R3HDM2: variants seen among roughly 807,000 people sequenced by gnomAD.
R3HDM2 encodes R3H domain containing 2.
Under a neutral mutation model 124.5 loss-of-function variants are expected in R3HDM2, and 38 were observed. The observed-to-expected ratio is 0.31, with a 90% CI of 0.24 to 0.40. The LOEUF is 0.40. R3HDM2 is among the 10% of genes least tolerant of loss of function. The pLI is 1.00. For missense variants in R3HDM2, 869 were observed against 1,236.9 expected (o/e 0.70, Z 4.46); for synonymous variants, 391 against 448.0 (o/e 0.87, Z 1.61).
At chr12:57,368,640 A>G (rs1481945294) in intron 2 of R3HDM2, among the ~76,000 whole-genome samples, 1 of 152,074 alleles carries the variant, frequency 6.6e-6, no homozygotes, top group East Asian at 1.9e-4. Context: ...GCAATACTCC[A>G]TGTGTATTAC....
intron 2 of R3HDM2, among the ~76,000 whole-genome samples, chr12:57,338,853 C>T (rs1190096924): frequency 2.0e-5 from 3 of 151,346 alleles, no homozygotes; most frequent in African/African-American, 7.3e-5. Flanking sequence ...GGGTCTCATT[C>T]TGCCACCTGG....
At position 57,312,874 on chromosome 12, in the gene R3HDM2, A is replaced by G. The variant is rs1048598044; in HGVS notation, c.-35-2411T>C. On this transcript the variant is annotated intron_variant, in intron 2 of 23. Transcript: ENST00000402412. ...AACCTCGGAGGCAGAAGTTGCGGTG[A>G]GCCAAGGTCGCACCACTGCACTCCA... is the stretch of plus-strand genomic sequence containing the variant. 3.5e-4 allele frequency among the ~76,000 whole-genome samples: 51 copies of G among 146,336 alleles called. 2 individuals are homozygous for G. Among genetic ancestry groups the G allele is most frequent in the Admixed American group, 1.4e-4 (2 of 14,088 alleles).
intron 3 of R3HDM2, among the ~76,000 whole-genome samples, chr12:57,307,625 TC>T (rs2052956743): frequency 7.5e-6 from 1 of 132,454 alleles, no homozygotes; most frequent in Admixed American, 7.7e-5. Flanking sequence ...CCAGCCATGC[TC>T]TTTTTTTTTT....
intron 2 of R3HDM2, among the ~76,000 whole-genome samples, chr12:57,324,453 G>T (rs533046215): frequency 7.9e-5 from 12 of 152,326 alleles, no homozygotes; most frequent in Admixed American, 5.9e-4. Context: ...AAAGTGCTGG[G>T]ATTACAGGCG....
At position 57,254,397 on chromosome 12, in the gene R3HDM2, A is replaced by G; in HGVS notation, c.*376T>C. ...GTGTCTGTAGTGCCAGCTACTTGGG[A>G]GGCTGAGGCAGGAGAATCACCTGAA... On this transcript the variant is annotated 3_prime_UTR_variant, in exon 24 of 24. Transcript: ENST00000402412. 1 of 365,072 alleles carries G rather than the reference A, an allele frequency of 2.7e-6. No homozygotes were observed. The highest frequency in any genetic ancestry group is 5.2e-6 in the Non-Finnish European group (1 of 193,382). 22.6% of individuals were successfully genotyped at this position (365,072 alleles called of 1,614,324 possible).
chr12:57,405,374 C>A (rs1418427246), intron 1 of R3HDM2, among the ~76,000 whole-genome samples: 1 of 152,184 alleles, frequency 6.6e-6, no homozygotes, highest in East Asian at 1.9e-4. Context: ...TGCAGTGGCT[C>A]ATGCCTGTAA....
chr12:57,348,515 A>T (rs1455028739), intron 2 of R3HDM2, among the ~76,000 whole-genome samples: 2 of 151,866 alleles, frequency 1.3e-5, no homozygotes, highest in East Asian at 3.9e-4. Flanking sequence ...CCAACATGGC[A>T]AAACCCCGTC....
intron 12 of R3HDM2, among the ~76,000 whole-genome samples, chr12:57,287,676 C>A (rs1175440097): frequency 6.6e-6 from 1 of 152,136 alleles, no homozygotes; most frequent in African/African-American, 2.4e-5. Flanking sequence ...AAGAGAGAAA[C>A]CCTTTGGAAA....
At chr12:57,355,471 A>AC (rs2061173567) in intron 2 of R3HDM2, among the ~76,000 whole-genome samples, 1 of 150,856 alleles carries the variant, frequency 6.6e-6, no homozygotes, top group African/African-American at 2.4e-5. Context: ...AAAAAAAAAA[A>AC]AGAAAGAAAA....
intron 3 of R3HDM2, among the ~76,000 whole-genome samples, chr12:57,307,307 T>G (rs905217454): frequency 3.4e-4 from 22 of 65,580 alleles, no homozygotes; most frequent in African/African-American, 5.3e-4. Context: ...AAATGCTGGG[T>G]TTTTTTGTTG....
chr12:57,332,437 T>C (rs1157896633), intron 2 of R3HDM2, among the ~76,000 whole-genome samples: 6 of 98,700 alleles, frequency 6.1e-5, no homozygotes, highest in Non-Finnish European at 1.1e-4. Context: ...AAAAAAAAAG[T>C]AGGTGGCAAA....
At chr12:57,374,072 G>A (rs1257820827) in intron 2 of R3HDM2, among the ~76,000 whole-genome samples, 2 of 152,034 alleles carry the variant, frequency 1.3e-5, no homozygotes, top group African/African-American at 4.8e-5. Context: ...AGGTTGCAGT[G>A]AGATGAGATC....
At chr12:57,346,664 G>T (rs574616438) in intron 2 of R3HDM2, among the ~76,000 whole-genome samples, 2 of 152,112 alleles carry the variant, frequency 1.3e-5, no homozygotes, top group Admixed American at 1.3e-4. Context: ...AATGGTCAAA[G>T]GACATTTTAC....
intron 1 of R3HDM2, among the ~76,000 whole-genome samples, chr12:57,400,690 G>A (rs2067967843): frequency 6.6e-6 from 1 of 152,038 alleles, no homozygotes; most frequent in African/African-American, 2.4e-5. Flanking sequence ...ACTTCATGGA[G>A]CAACTAGCAA....
At chr12:57,427,580 C>T (rs889478135) in intron 1 of R3HDM2, among the ~76,000 whole-genome samples, 7 of 151,158 alleles carry the variant, frequency 4.6e-5, no homozygotes, top group Admixed American at 3.9e-4. Flanking sequence ...GAACTTCTAA[C>T]CTCTGGTGAT....
At position 57,401,072 on chromosome 12, in the gene R3HDM2, G is replaced by T. The variant is rs1422594160; in HGVS notation, c.-105-5254C>A. On this transcript the variant is annotated intron_variant, in intron 1 of 23. Coordinates refer to ENST00000402412, the MANE Select transcript of R3HDM2 (RefSeq NM_001394031.1). Reference sequence around the variant, plus strand: ...AACATCCATTTCATTTAAAAAGAATGAAAGAGAGAAAGGGAAGGAGAAAAA... The same window carrying T: ...AACATCCATTTCATTTAAAAAGAATTAAAGAGAGAAAGGGAAGGAGAAAAA... Among the ~76,000 whole-genome samples the T allele has an allele frequency of 4.0e-5, 6 of 151,288 alleles. No individual in the cohort carries two copies. In the East Asian group the frequency reaches 1.2e-3, roughly 29 times the overall value.
chr12:57,402,068 G>C (rs915180617), intron 1 of R3HDM2, among the ~76,000 whole-genome samples: 1 of 151,938 alleles, frequency 6.6e-6, no homozygotes, highest in African/African-American at 2.4e-5. Flanking sequence ...GCCGTGGCAG[G>C]TAGATCTTCT....
chr12:57,347,064 G>A (rs1171800148), intron 2 of R3HDM2, among the ~76,000 whole-genome samples: 1 of 152,066 alleles, frequency 6.6e-6, no homozygotes, highest in Non-Finnish European at 1.5e-5. Context: ...GGTCAACATA[G>A]CGAGACCCTA....
At chr12:57,359,652 C>T (rs2061652154) in intron 2 of R3HDM2, among the ~76,000 whole-genome samples, 4 of 152,038 alleles carry the variant, frequency 2.6e-5, no homozygotes, top group Admixed American at 2.6e-4. Flanking sequence ...TAATTTTCAC[C>T]TATTGGTAGT....
Sources: gnomAD v4.1 joint callset for allele counts (sites outside exome capture counted in the v4.1 genomes callset) on GRCh38, gnomAD v4.1.1 for gene constraint, MANE v1.5 for transcripts, NCBI Gene and HGNC (gene_info 2026-07-23, HGNC 2026-07-21) for gene names.